Variants in DPP10 observed in about 807,000 individuals in gnomAD.
The protein encoded by DPP10 is inactive dipeptidyl peptidase 10.
DPP10 carries 33 observed loss-of-function variants against 120.9 expected under a neutral mutation model. That is an observed-to-expected ratio of 0.27 (90% CI 0.21 to 0.37). DPP10 has a LOEUF of 0.37. DPP10 is among the 10% of genes least tolerant of loss of function. DPP10 has a pLI of 1.00. For missense variants in DPP10, 816 were observed against 942.8 expected, an observed-to-expected ratio of 0.87 and a Z score of 1.76; for synonymous variants, 337 against 326.1, an observed-to-expected ratio of 1.03 and a Z score of -0.36.
At chr2:114,473,840 C>T (rs1325844684) in intron 1 of DPP10, among the ~76,000 whole-genome samples, 1 of 152,194 alleles carries the variant, frequency 6.6e-6, no homozygotes, top group Non-Finnish European at 1.5e-5. Flanking sequence ...GATACATATA[C>T]ATATTTGTAT....
At chr2:114,835,102 C>A (rs34498650) in intron 1 of DPP10, 18 of 132,534 alleles carry the variant, frequency 1.4e-4, no homozygotes, top group African/African-American at 3.3e-4. Flanking sequence ...TATATATAAG[C>A]CATATCTACA....
At chr2:115,273,628 G>A (rs1375482549) in intron 1 of DPP10, among the ~76,000 whole-genome samples, 11 of 152,174 alleles carry the variant, frequency 7.2e-5, no homozygotes, top group African/African-American at 1.2e-4. Flanking sequence ...GAGCCACCGC[G>A]CCCGGCCTGA....
chr2:115,346,126 C>G (rs1199957409), intron 3 of DPP10, among the ~76,000 whole-genome samples: 2 of 152,108 alleles, frequency 1.3e-5, no homozygotes, highest in Non-Finnish European at 2.9e-5. Flanking sequence ...GTGCTTTTAT[C>G]CAACCCAGAT....
At chr2:115,273,810 T>A (rs1425083718) in intron 1 of DPP10, among the ~76,000 whole-genome samples, 2 of 152,252 alleles carry the variant, frequency 1.3e-5, no homozygotes, top group African/African-American at 4.8e-5. Flanking sequence ...TCCTAAAGAT[T>A]GAATTTGGAA....
intron 1 of DPP10, among the ~76,000 whole-genome samples, chr2:114,927,021 T>C (rs1445653438): frequency 6.6e-6 from 1 of 151,850 alleles, no homozygotes; most frequent in Non-Finnish European, 1.5e-5. Context: ...AGCTAATTTT[T>C]TGTATTTTTA....
chr2:115,507,130 T>C (rs1340258427), intron 4 of DPP10, among the ~76,000 whole-genome samples: 1 of 152,110 alleles, frequency 6.6e-6, no homozygotes, highest in Non-Finnish European at 1.5e-5. Context: ...TTTCCCCTGA[T>C]ATATCTGGCT....
chr2:114,529,535 G>A (rs1313032700), intron 1 of DPP10, among the ~76,000 whole-genome samples: 1 of 152,092 alleles, frequency 6.6e-6, no homozygotes, highest in African/African-American at 2.4e-5. Flanking sequence ...CAGCCATGTT[G>A]CTCTTTTATT....
At chr2:115,442,389 G>GCGCA (rs57607529) in intron 3 of DPP10, among the ~76,000 whole-genome samples, 20,303 of 151,450 alleles carry the variant, frequency 0.13, 2,940 homozygotes, top group African/African-American at 0.35. Flanking sequence ...GTGTGTGTGC[G>GCGCA]TGTGTCGTTT....
intron 1 of DPP10, among the ~76,000 whole-genome samples, chr2:114,530,644 G>A (rs1228392437): frequency 6.6e-6 from 1 of 152,034 alleles, no homozygotes; most frequent in Non-Finnish European, 1.5e-5. Flanking sequence ...GCCCTCCAGG[G>A]TTCCTTCCAA....
chr2:114,980,718 C>A (rs1332869099), intron 1 of DPP10, among the ~76,000 whole-genome samples: 3 of 151,120 alleles, frequency 2.0e-5, no homozygotes, highest in Non-Finnish European at 4.4e-5. Flanking sequence ...GTTCAATTAA[C>A]AAATCCAACT....
chr2:114,867,855 C>T (rs1193999959), intron 1 of DPP10, among the ~76,000 whole-genome samples: 6 of 152,178 alleles, frequency 3.9e-5, no homozygotes, highest in African/African-American at 1.4e-4. Flanking sequence ...GGCTGGCTTC[C>T]GTGAGTCTTC....
intron 1 of DPP10, among the ~76,000 whole-genome samples, chr2:114,862,682 A>G (rs537903276): frequency 2.0e-5 from 3 of 152,344 alleles, no homozygotes; most frequent in Non-Finnish European, 2.9e-5. Context: ...TGAAAGCTAT[A>G]CAACAGATAA....
intron 7 of DPP10, among the ~76,000 whole-genome samples, chr2:115,697,292 G>C (rs1018695531): frequency 6.6e-6 from 1 of 151,770 alleles, no homozygotes; most frequent in East Asian, 1.9e-4. Flanking sequence ...AAGAAGATAA[G>C]TTTTAAAATA....
chr2:115,255,618 G>A (rs1038164452), intron 1 of DPP10, among the ~76,000 whole-genome samples: 12 of 151,938 alleles, frequency 7.9e-5, no homozygotes, highest in African/African-American at 2.7e-4. Context: ...ATTATTTGAC[G>A]CTTAGAATTG....
intron 1 of DPP10, among the ~76,000 whole-genome samples, chr2:115,207,701 C>T (rs1420954028): frequency 6.6e-6 from 1 of 151,952 alleles, no homozygotes; most frequent in African/African-American, 2.4e-5. Context: ...TTATGGTAGG[C>T]GTGCAAGAAG....
At chr2:114,597,110 T>A (rs1284196267) in intron 1 of DPP10, among the ~76,000 whole-genome samples, 18 of 152,002 alleles carry the variant, frequency 1.2e-4, no homozygotes, top group Non-Finnish European at 4.4e-5. Flanking sequence ...TACATTATGG[T>A]GCTTCAGGAT....
intron 1 of DPP10, among the ~76,000 whole-genome samples, chr2:115,167,300 A>G (rs1029396514): frequency 6.6e-6 from 1 of 151,718 alleles, no homozygotes; most frequent in African/African-American, 2.4e-5. Context: ...AGTGGCTCCC[A>G]CTTGTAATCC....
chr2:115,185,023 A>T (rs577977521), intron 1 of DPP10, among the ~76,000 whole-genome samples: 5 of 152,350 alleles, frequency 3.3e-5, no homozygotes, highest in Admixed American at 2.6e-4. Context: ...ATTATAAAAT[A>T]AGCGATAGTA....
At chr2:115,673,597 T>A (rs2090065697) in intron 5 of DPP10, among the ~76,000 whole-genome samples, 1 of 152,176 alleles carries the variant, frequency 6.6e-6, no homozygotes, top group African/African-American at 2.4e-5. Flanking sequence ...TTGTTAAATA[T>A]CTCCTGATAC....
Sources: gnomAD v4.1 joint callset for allele counts (sites outside exome capture counted in the v4.1 genomes callset) on GRCh38, gnomAD v4.1.1 for gene constraint, MANE v1.5 for transcripts, NCBI Gene and HGNC (gene_info 2026-07-23, HGNC 2026-07-21) for gene names.